USP34: variants seen among roughly 807,000 people sequenced by gnomAD.
The protein encoded by USP34 is ubiquitin carboxyl-terminal hydrolase 34.
USP34 carries 70 observed loss-of-function variants against 460.3 expected under a neutral mutation model. The ratio of observed to expected loss-of-function variants is 0.15; its 90% CI spans 0.13 to 0.19. The LOEUF is 0.19. Among genes scored for constraint, USP34 ranks in the 10% least tolerant of loss-of-function variants. The pLI is 1.00. For synonymous variants in USP34, 1,647 were observed against 1,405.3 expected, an observed-to-expected ratio of 1.17 and a Z score of -3.85; for missense variants, 3,985 against 4,236.2, an observed-to-expected ratio of 0.94 and a Z score of 1.65.
chr2:61,188,737 C>A, intron 79 of USP34, 28 bp from the exon 80 acceptor site: 1 of 1,601,086 alleles, frequency 6.2e-7, no homozygotes, highest in Non-Finnish European at 8.5e-7. Flanking sequence ...AAAAGGGAAA[C>A]TTCTCTGAAA....
chr2:61,221,679 A>T, intron 65 of USP34, 73 bp from the exon 66 acceptor site: 1 of 1,355,584 alleles, frequency 7.4e-7, no homozygotes, highest in Non-Finnish European at 1.0e-6. Context: ...AGAAACATAT[A>T]TTCTACTACA....
At chr2:61,437,774 A>AAAATAAATAAATAAATAAATAAATAAAT (rs61610795) in intron 1 of USP34, among the ~76,000 whole-genome samples, 27 of 134,566 alleles carry the variant, frequency 2.0e-4, no homozygotes, top group South Asian at 4.8e-4. Context: ...CTCCGTCTCA[A>AAAATAAATAAATAAATAAATAAATAAAT]AAATAAATAA....
Position 61,232,535 on chromosome 2 carries a change from G to A in USP34, c.7033-3C>T. On this transcript the variant is annotated splice_polypyrimidine_tract_variant and splice_region_variant and intron_variant, in intron 57 of 79. Coordinates refer to ENST00000398571, the MANE Select transcript of USP34 (RefSeq NM_014709.4). ...TCAGCCATACGATCTAAAAACCACT[G>A]TTAAAAAAAAATACAGCATGACTTT... 1 of 1,595,608 alleles carries A rather than the reference G, an allele frequency of 6.3e-7. No homozygotes were observed. The highest frequency in any genetic ancestry group is 8.5e-7 in the Non-Finnish European group (1 of 1,173,742).
At position 61,295,169 on chromosome 2, in the gene USP34, G is replaced by A. The variant is rs770013111; in HGVS notation, c.4376C>T (p.Thr1459Met). ...TGATAATAATGGAAATGCAATTACC[G>A]TAGACTCCCTCCTTATTCTTCTATT... The part of the protein sequence containing the change: ...KPNRRIRRES[T>M]GSYSDLYPDS... Residue 1459 changes from threonine (T) to methionine (M), a missense_variant and splice_region_variant, in exon 31 of 80, where the codon ACG (threonine) becomes ATG (methionine). Thr to Met is a moderately conservative substitution (Grantham distance 81). This residue lies in a region of USP34 where 1,114 missense variants were observed against 1,122.5 expected (regional missense o/e 0.99). Coordinates refer to ENST00000398571, the MANE Select transcript of USP34 (RefSeq NM_014709.4). 1.5e-5 allele frequency: 24 copies of A among 1,608,212 alleles called. No individual in the cohort carries two copies. Among genetic ancestry groups the A allele is most frequent in the South Asian group, 2.2e-5 (2 of 89,270 alleles).
At chr2:61,420,312 A>G (rs1244391445) in intron 2 of USP34, among the ~76,000 whole-genome samples, 2 of 152,180 alleles carry the variant, frequency 1.3e-5, no homozygotes, top group Admixed American at 1.3e-4. Flanking sequence ...TTTATTTCCT[A>G]TAGTCTCAAT....
At chr2:61,238,793 T>C (rs558840522) in intron 53 of USP34, among the ~76,000 whole-genome samples, 65 of 152,270 alleles carry the variant, frequency 4.3e-4, no homozygotes, top group Middle Eastern at 3.4e-3. Context: ...TCTCATTTTA[T>C]TGTGCTTCAC....
In USP34 at chr2:61,405,958, G is replaced by C. The variant is rs548813943; in HGVS notation, c.302C>G (p.Ala101Gly). The part of the protein sequence containing the change: ...DSTWQDESNQ[A>G]EEPLNIDREC... ...TCTATCTATATTCAGTGGTTCTTCTGCTTGATTACTCTCATCTTGCCACGT... is the reference window on the plus strand; with the variant it reads ...TCTATCTATATTCAGTGGTTCTTCTCCTTGATTACTCTCATCTTGCCACGT... The change falls in exon 3 of 80, where the codon GCA becomes GGA. Residue 101 changes from alanine (A) to glycine (G), a missense_variant. By Grantham distance (60) the Ala-to-Gly change is moderately conservative (BLOSUM62 0). Transcript: ENST00000398571. 865 of 1,613,034 alleles carry C rather than the reference G, an allele frequency of 5.4e-4. 9 individuals are homozygous for C. The South Asian group carries it at 9.0e-3, about 17-fold the overall frequency.
At chr2:61,291,486 G>C (rs569995621) in intron 33 of USP34, among the ~76,000 whole-genome samples, 1 of 152,264 alleles carries the variant, frequency 6.6e-6, no homozygotes, top group East Asian at 1.9e-4. Context: ...CCCCAAACTG[G>C]AAACGATGCA....
rs576530001 is a variant in USP34, at chr2:61,397,914, G to A, written c.553-2681C>T. Among the ~76,000 whole-genome samples, 25 of 150,736 alleles carry A rather than the reference G, an allele frequency of 1.7e-4. No individual in the cohort carries two copies. In the South Asian group the frequency reaches 2.5e-3, roughly 15 times the overall value. On this transcript the variant is annotated intron_variant, in intron 3 of 79. Coordinates refer to ENST00000398571, the MANE Select transcript of USP34 (RefSeq NM_014709.4). Reference sequence around the variant, plus strand: ...ACTTCATCTCAAAGAAAAAAAAAAAGAAATTAACCAGGGGTGATGGCACAC... The same window carrying A: ...ACTTCATCTCAAAGAAAAAAAAAAAAAAATTAACCAGGGGTGATGGCACAC...
At chr2:61,441,335 G>T (rs1384365158) in intron 1 of USP34, among the ~76,000 whole-genome samples, 4 of 151,956 alleles carry the variant, frequency 2.6e-5, no homozygotes, top group Non-Finnish European at 5.9e-5. Context: ...ACCCAGGCAG[G>T]TTAAACCTCT....
rs576117813 is a variant in USP34, at chr2:61,453,181, C to T, written c.43+17469G>A. 1.3e-4 allele frequency among the ~76,000 whole-genome samples: 19 copies of T among 151,100 alleles called. No individual in the cohort carries two copies. In the South Asian group the frequency reaches 3.4e-3, roughly 27 times the overall value. On this transcript the variant is annotated intron_variant, in intron 1 of 79. Transcript: ENST00000398571. Reference sequence around the variant, plus strand: ...ATCCCAGCACTTAGGGAGGCCGAAGCGGGTGGATTGCTAGAGCCCATGAGT... The same window carrying T: ...ATCCCAGCACTTAGGGAGGCCGAAGTGGGTGGATTGCTAGAGCCCATGAGT...
At chr2:61,390,426 T>C (rs966248293) in intron 5 of USP34, among the ~76,000 whole-genome samples, 2 of 152,244 alleles carry the variant, frequency 1.3e-5, no homozygotes, top group Non-Finnish European at 2.9e-5. Context: ...TAAATGTTAG[T>C]AAGCTGCATT....
chr2:61,269,818 ATATAT>A (rs1040463537), intron 41 of USP34, among the ~76,000 whole-genome samples: 2 of 152,160 alleles, frequency 1.3e-5, no homozygotes, highest in South Asian at 2.1e-4. Flanking sequence ...TATTAATGGA[ATATAT>A]TATATTTTGA....
chr2:61,271,203 C>T (rs1195006064), intron 41 of USP34, among the ~76,000 whole-genome samples: 2 of 152,090 alleles, frequency 1.3e-5, no homozygotes, highest in Non-Finnish European at 2.9e-5. Context: ...CTTTGGGAGG[C>T]TGAGGCAGGG....
chr2:61,202,237 A>G (rs1214454818), intron 75 of USP34, among the ~76,000 whole-genome samples: 2 of 152,182 alleles, frequency 1.3e-5, no homozygotes, highest in African/African-American at 4.8e-5. Context: ...TTCCATAGGA[A>G]GGAGAGGGCT....
At chr2:61,416,681 GAATT>G (rs1268320426) in intron 2 of USP34, among the ~76,000 whole-genome samples, 1 of 152,030 alleles carries the variant, frequency 6.6e-6, no homozygotes, top group Non-Finnish European at 1.5e-5. Context: ...ATTTAGTCTT[GAATT>G]TATTCTCCTA....
chr2:61,323,456 A>G (rs1410109163), intron 21 of USP34, among the ~76,000 whole-genome samples: 1 of 149,762 alleles, frequency 6.7e-6, no homozygotes, highest in African/African-American at 2.5e-5. Context: ...CAGAGCTTGC[A>G]GGGAGCCGAG....
chr2:61,403,992 C>CCAA (rs1693795196), intron 3 of USP34, among the ~76,000 whole-genome samples: 1 of 29,110 alleles, frequency 3.4e-5, no homozygotes, highest in East Asian at 1.3e-3. Flanking sequence ...GACTCTATCT[C>CCAA]AAAAAAAAAA....
At position 61,453,391 on chromosome 2, in the gene USP34, A is replaced by G. The variant is rs1695341629; in HGVS notation, c.43+17259T>C. ...GTCACGCCACTGTACTCCAGCATAG[A>G]CGACAGAGTAAGACCCTGTCTCAAA... On this transcript the variant is annotated intron_variant, in intron 1 of 79. Transcript: ENST00000398571. Among the ~76,000 whole-genome samples the G allele has an allele frequency of 4.0e-5, 6 of 151,636 alleles. No individual in the cohort carries two copies. In the South Asian group the frequency reaches 1.2e-3, roughly 32 times the overall value.
Sources: gnomAD v4.1 joint callset for allele counts (sites outside exome capture counted in the v4.1 genomes callset) on GRCh38, gnomAD v4.1.1 for gene constraint, gnomAD v4.1.1 regional missense constraint, MANE v1.5 for transcripts, NCBI Gene and HGNC (gene_info 2026-07-23, HGNC 2026-07-21) for gene names.